TMEM87A: variants seen among roughly 807,000 people sequenced by gnomAD.
The protein encoded by TMEM87A is transmembrane protein 87A, also known as Golgi-pH regulating cation channel.
TMEM87A carries 50 observed loss-of-function variants against 90.0 expected under a neutral mutation model. The observed-to-expected ratio is 0.56, with a 90% CI of 0.44 to 0.70. The LOEUF (loss-of-function observed/expected upper bound fraction) is 0.70, where lower values mean the gene tolerates loss of function less well. Ranked by LOEUF, TMEM87A falls within the 30% of genes least tolerant of loss-of-function variation. TMEM87A has a pLI of 0.00. For missense variants in TMEM87A, 577 were observed against 660.5 expected (o/e 0.87, Z 1.39); for synonymous variants, 226 against 226.7 (o/e 1.00, Z 0.03).
chr15:42,271,432 TCA>T (rs961535894), intron 2 of TMEM87A: 3 of 152,182 alleles, frequency 2.0e-5, no homozygotes, highest in South Asian at 2.1e-4. Context: ...CCCAACATAA[TCA>T]CAGTCATTCA....
chr15:42,239,216 T>C (rs770500933), intron 8 of TMEM87A, among the ~76,000 whole-genome samples: 5 of 152,226 alleles, frequency 3.3e-5, no homozygotes, highest in Non-Finnish European at 7.4e-5. Flanking sequence ...AATTTTTGTA[T>C]TTTTAGTAGA....
At chr15:42,214,390 G>A (rs1478579574) in intron 19 of TMEM87A, among the ~76,000 whole-genome samples, 3 of 152,144 alleles carry the variant, frequency 2.0e-5, no homozygotes, top group Non-Finnish European at 2.9e-5. Flanking sequence ...GAAGAGAAAC[G>A]ACAGGCCAAT....
intron 15 of TMEM87A, 115 bp downstream of exon 15, chr15:42,226,691 G>A: frequency 2.4e-6 from 2 of 844,454 alleles, no homozygotes; most frequent in Non-Finnish European, 3.8e-6. Context: ...CTGATTCCAG[G>A]CCCAGTGTTC....
At chr15:42,217,745 C>G in intron 19 of TMEM87A, 58 bp downstream of exon 19, 1 of 1,548,104 alleles carries the variant, frequency 6.5e-7, no homozygotes, top group Non-Finnish European at 8.9e-7. Flanking sequence ...ACAGACGATT[C>G]ATGACTTTCT....
intron 12 of TMEM87A, among the ~76,000 whole-genome samples, chr15:42,229,864 C>A (rs1168177457): frequency 6.6e-6 from 1 of 152,202 alleles, no homozygotes; most frequent in East Asian, 1.9e-4. Context: ...CTCACTCTGT[C>A]ACTCAGGCTG....
intron 2 of TMEM87A, among the ~76,000 whole-genome samples, chr15:42,269,593 C>T (rs1216501976): frequency 2.0e-5 from 3 of 152,182 alleles, no homozygotes; most frequent in African/African-American, 7.2e-5. Flanking sequence ...AGCAAAAATA[C>T]TGCTGTTTAT....
At chr15:42,236,657 C>T (rs1348396597) in intron 9 of TMEM87A, among the ~76,000 whole-genome samples, 1 of 152,150 alleles carries the variant, frequency 6.6e-6, no homozygotes, top group African/African-American at 2.4e-5. Flanking sequence ...CGACCTGGCC[C>T]CAAATTCACT....
intron 8 of TMEM87A, among the ~76,000 whole-genome samples, chr15:42,238,097 T>C (rs1279364568): frequency 6.6e-6 from 1 of 152,068 alleles, no homozygotes; most frequent in East Asian, 1.9e-4. Flanking sequence ...CACAGACACA[T>C]ATATGGTATA....
At chr15:42,226,769 T>A in intron 15 of TMEM87A, 37 bp downstream of exon 15, 1 of 1,563,308 alleles carries the variant, frequency 6.4e-7, no homozygotes, top group African/African-American at 1.4e-5. Flanking sequence ...GACATGGTCA[T>A]CTCATGTTAG....
chr15:42,233,338 A>G (rs1221046150), intron 10 of TMEM87A, 32 bp from the exon 11 acceptor site: 1 of 1,551,630 alleles, frequency 6.4e-7, no homozygotes, highest in Non-Finnish European at 8.9e-7. Context: ...ATTTGAGTAC[A>G]TATGGGACAA....
intron 12 of TMEM87A, 64 bp downstream of exon 12, chr15:42,231,128 C>A: frequency 1.5e-6 from 2 of 1,362,128 alleles, no homozygotes; most frequent in South Asian, 1.3e-5. Context: ...GCAGAAAGAT[C>A]AATGGAAACC....
chr15:42,231,062 A>G lies in TMEM87A; in HGVS notation c.1131+130T>C, dbSNP rs2050677870. 20 of 771,664 alleles carry G rather than the reference A, an allele frequency of 2.6e-5. 2 individuals are homozygous for G. The South Asian group carries it at 3.5e-4, about 14-fold the overall frequency. The allele number at this position is 771,664 out of a possible 1,614,324, so 47.8% of individuals were successfully genotyped here. A position where few individuals can be genotyped will look rare whatever the true frequency, so the allele number is the denominator to read the frequency against. ...CTGAACCCTCAGGTTGTTAAGACTT[A>G]GCATGCACTGTTCCCCACACTAAGG... is the stretch of plus-strand genomic sequence containing the variant. On this transcript the variant is annotated intron_variant, in intron 12 of 19. Transcript: ENST00000389834.
At chr15:42,238,120 T>C (rs575423300) in intron 8 of TMEM87A, among the ~76,000 whole-genome samples, 1 of 152,178 alleles carries the variant, frequency 6.6e-6, no homozygotes, top group African/African-American at 2.4e-5. Flanking sequence ...TAGAGAGCAC[T>C]CAGCCTGCTC....
rs8024306 is a variant in TMEM87A at position 42,267,871 on chromosome 15, T to C, written c.291+76A>G. 3.7e-5 allele frequency: 44 copies of C among 1,199,880 alleles called. No individual in the cohort carries two copies. The African/African-American group carries it at 6.3e-4, about 17-fold the overall frequency. The allele number at this position is 1,199,880 out of a possible 1,614,324, so 74.3% of individuals were successfully genotyped here. On this transcript the variant is annotated intron_variant, in intron 3 of 19. Transcript: ENST00000389834. ...TCCTCCATAGCTACATGATACTCTT[T>C]CCTCTATGAAATTAAGAGACTGGAA... is the stretch of plus-strand genomic sequence containing the variant.
At chr15:42,230,322 G>GT (rs2050666511) in intron 12 of TMEM87A, among the ~76,000 whole-genome samples, 1 of 152,158 alleles carries the variant, frequency 6.6e-6, no homozygotes, top group Non-Finnish European at 1.5e-5. Context: ...TGGCTATTTA[G>GT]TCCAAGGACA....
chr15:42,243,185 G>A (rs567857945), intron 7 of TMEM87A, among the ~76,000 whole-genome samples: 5 of 151,946 alleles, frequency 3.3e-5, no homozygotes, highest in African/African-American at 9.7e-5. Context: ...GGAGAATGGC[G>A]TGAACCCAGG....
intron 2 of TMEM87A, among the ~76,000 whole-genome samples, chr15:42,270,608 G>A (rs2051502880): frequency 6.6e-6 from 1 of 152,022 alleles, no homozygotes; most frequent in Non-Finnish European, 1.5e-5. Context: ...AAAAAATGCA[G>A]TTGGTTTAAC....
At chr15:42,242,717 G>A (rs1346739818) in intron 7 of TMEM87A, among the ~76,000 whole-genome samples, 1 of 152,086 alleles carries the variant, frequency 6.6e-6, no homozygotes, top group Non-Finnish European at 1.5e-5. Flanking sequence ...AAGCCCATAT[G>A]ATCATTTAAA....
intron 9 of TMEM87A, among the ~76,000 whole-genome samples, chr15:42,236,832 T>C (rs1380737904): frequency 1.8e-4 from 28 of 152,234 alleles, no homozygotes. Flanking sequence ...AGATCTACTA[T>C]TTTCAAGACC....
Sources: gnomAD v4.1 joint callset for allele counts (sites outside exome capture counted in the v4.1 genomes callset) on GRCh38, gnomAD v4.1.1 for gene constraint, MANE v1.5 for transcripts, NCBI Gene and HGNC (gene_info 2026-07-23, HGNC 2026-07-21) for gene names.